VPS26A: variants seen among roughly 807,000 people sequenced by gnomAD.
VPS26A encodes the protein VPS26 retromer complex component A.
VPS26A carries 22 observed loss-of-function variants against 42.4 expected under a neutral mutation model. The observed-to-expected ratio is 0.52, with a 90% CI of 0.37 to 0.74. VPS26A has a LOEUF of 0.74. Among genes scored for constraint, VPS26A ranks in the 30% least tolerant of loss-of-function variants. VPS26A has a pLI of 0.00. For missense variants in VPS26A, 276 were observed against 379.2 expected, an observed-to-expected ratio of 0.73 and a Z score of 2.26; for synonymous variants, 110 against 123.5, an observed-to-expected ratio of 0.89 and a Z score of 0.73.
chr10:69,167,515 C>T (rs533299515), intron 7 of VPS26A, among the ~76,000 whole-genome samples: 1 of 151,856 alleles, frequency 6.6e-6, no homozygotes, highest in East Asian at 1.9e-4. Context: ...GTGGGTGGAT[C>T]ACCTGAGGTC....
At chr10:69,165,147 C>T (rs1004535809) in intron 6 of VPS26A, among the ~76,000 whole-genome samples, 13 of 151,984 alleles carry the variant, frequency 8.6e-5, no homozygotes, top group Non-Finnish European at 1.5e-4. Context: ...AGGCTGGTCT[C>T]GAACTCCTGA....
rs1177617396 is a variant in VPS26A, at chr10:69,124,256, G to C, written c.-22G>C. 3 of 1,285,082 alleles carry C rather than the reference G, an allele frequency of 2.3e-6. No individual in the cohort carries two copies. Among genetic ancestry groups the C allele is most frequent in the East Asian group, 3.0e-5 (1 of 33,770 alleles). 79.6% of individuals were successfully genotyped at this position (1,285,082 alleles called of 1,614,324 possible). A position where few individuals can be genotyped will look rare whatever the true frequency, so the allele number is the denominator to read the frequency against. On this transcript the variant is annotated 5_prime_UTR_variant, in exon 1 of 9. Coordinates refer to ENST00000263559, the MANE Select transcript of VPS26A (RefSeq NM_004896.5). ...TGAGGGAAGAGGAGTGGAGTAGGGG[G>C]GACGCGGCGGCGGCGTTGACAATGG...
chr10:69,142,449 C>A (rs188880603), intron 2 of VPS26A, among the ~76,000 whole-genome samples: 5 of 151,968 alleles, frequency 3.3e-5, no homozygotes, highest in Non-Finnish European at 7.4e-5. Flanking sequence ...CAACCTTGAC[C>A]TCCCAAAGTG....
rs1314212692 is a variant in VPS26A, at chr10:69,173,515, A to G, written c.*2246A>G. ...CATGCACCTGTATTTCCAGCTATTT[A>G]GGAAGCTGAGACAGGAAGATCCCTT... On this transcript the variant is annotated 3_prime_UTR_variant, in exon 9 of 9. Coordinates refer to ENST00000263559, the MANE Select transcript of VPS26A (RefSeq NM_004896.5). 6.6e-6 allele frequency among the ~76,000 whole-genome samples: 1 copy of G among 152,186 alleles called. No individual in the cohort carries two copies. Among genetic ancestry groups the G allele is most frequent in the Non-Finnish European group, 1.5e-5 (1 of 68,032 alleles).
chr10:69,143,415 T>G (rs2132205811), intron 2 of VPS26A, among the ~76,000 whole-genome samples: 1 of 152,362 alleles, frequency 6.6e-6, no homozygotes, highest in South Asian at 2.1e-4. Context: ...CTTGGAGGTC[T>G]GACATCTCGC....
chr10:69,150,833 C>T (rs1423312873), intron 2 of VPS26A, among the ~76,000 whole-genome samples: 1 of 152,098 alleles, frequency 6.6e-6, no homozygotes, highest in Non-Finnish European at 1.5e-5. Flanking sequence ...GATGATAAAG[C>T]AGATGGGGCA....
chr10:69,144,589 A>G (rs1321781966), intron 2 of VPS26A, among the ~76,000 whole-genome samples: 1 of 152,176 alleles, frequency 6.6e-6, no homozygotes, highest in Admixed American at 6.5e-5. Flanking sequence ...AGGTTTCTCC[A>G]TATATCTTTG....
rs371987516 is a variant in VPS26A, at chr10:69,168,444, T to C, written c.728-45T>C. 11 of 1,589,196 alleles carry C rather than the reference T, an allele frequency of 6.9e-6. No homozygotes were observed. In the African/African-American group the frequency reaches 1.4e-4, roughly 20 times the overall value. The stretch of plus-strand genomic sequence containing the variant: ...CTTAGTCCTACCTGTTATGTGACTA[T>C]ATTTAATCATCTTTAGAATTAAGTA... On this transcript the variant is annotated intron_variant, in intron 7 of 8. Transcript: ENST00000263559.
intron 1 of VPS26A, 42 bp downstream of exon 1, chr10:69,124,322 CCCG>C: frequency 8.1e-7 from 1 of 1,239,962 alleles, no homozygotes; most frequent in Non-Finnish European, 1.0e-6. Flanking sequence ...CCGCCCTCGT[CCCG>C]GAGCGCGCGG....
At chr10:69,167,423 C>CA (rs1299767647) in intron 7 of VPS26A, among the ~76,000 whole-genome samples, 44 of 110,940 alleles carry the variant, frequency 4.0e-4, no homozygotes, top group Admixed American at 3.8e-3. Context: ...GATCCTGCCT[C>CA]AAAAAAAAGA....
chr10:69,128,042 T>C (rs989235651), intron 1 of VPS26A, among the ~76,000 whole-genome samples: 1 of 151,496 alleles, frequency 6.6e-6, no homozygotes, highest in African/African-American at 2.4e-5. Flanking sequence ...CAGAAAATAA[T>C]AGAGGATAGC....
At chr10:69,151,278 A>AAAAAC (rs1554854471) in intron 2 of VPS26A, among the ~76,000 whole-genome samples, 17,526 of 55,968 alleles carry the variant, frequency 0.31, 1,618 homozygotes, top group Non-Finnish European at 0.47. Context: ...AAAAAAAAAA[A>AAAAAC]AAAAACACAC....
At position 69,171,232 on chromosome 10, in the gene VPS26A, C is replaced by CAG; in HGVS notation, c.949_950dup (p.Ser318AsnfsTer52). 1 of 1,613,770 alleles carries CAG rather than the reference C, an allele frequency of 6.2e-7. No homozygotes were observed. Among genetic ancestry groups the CAG allele is most frequent in the Non-Finnish European group, 8.5e-7 (1 of 1,179,918 alleles). ...AACTTTCACCAGCGATTTGAATCTCCAGAATCACAGGCATCTGCCGAACAG... is the reference window on the plus strand; with the variant it reads ...AACTTTCACCAGCGATTTGAATCTCCAGAGAATCACAGGCATCTGCCGAACAG... On this transcript the variant is annotated frameshift_variant, in exon 9 of 9. Transcript: ENST00000263559. LOFTEE classifies it high-confidence loss of function.
chr10:69,171,456 C>A lies in VPS26A; in HGVS notation c.*187C>A. The A allele has an allele frequency of 4.4e-6, 2 of 452,242 alleles. No individual in the cohort carries two copies. The highest frequency in any genetic ancestry group is 4.5e-4 in the Middle Eastern group (1 of 2,222). 28.0% of individuals were successfully genotyped at this position (452,242 alleles called of 1,614,324 possible). On this transcript the variant is annotated 3_prime_UTR_variant, in exon 9 of 9. Transcript: ENST00000263559. ...AATGAAATGTTCGTTCATGTATATA[C>A]ATTTTTAAAAGTGCTTTCTTTGAAA...
In VPS26A at chr10:69,164,003, G is replaced by A. The variant is rs1008264880; in HGVS notation, c.658+1491G>A. On this transcript the variant is annotated intron_variant, in intron 6 of 8. Transcript: ENST00000263559. The stretch of plus-strand genomic sequence containing the variant: ...AGGATGGTCTCGATCTCCTGACCTC[G>A]TGATCCGCCCGCCTCAGCCTCCCAA... Among the ~76,000 whole-genome samples, 5 of 151,656 alleles carry A rather than the reference G, an allele frequency of 3.3e-5. No individual in the cohort carries two copies. The East Asian group carries it at 5.8e-4, about 18-fold the overall frequency.
chr10:69,170,792 A>G (rs1841797898), intron 8 of VPS26A, among the ~76,000 whole-genome samples: 1 of 152,242 alleles, frequency 6.6e-6, no homozygotes, highest in Non-Finnish European at 1.5e-5. Flanking sequence ...TTAGATAGAA[A>G]GGGCTCTGCC....
At chr10:69,129,162 C>G (rs1840721984) in intron 1 of VPS26A, among the ~76,000 whole-genome samples, 1 of 152,078 alleles carries the variant, frequency 6.6e-6, no homozygotes, top group Non-Finnish European at 1.5e-5. Context: ...TGTTTTCCAT[C>G]TAAAATAGAC....
intron 2 of VPS26A, among the ~76,000 whole-genome samples, chr10:69,143,205 A>G (rs1473226550): frequency 2.0e-4 from 31 of 152,164 alleles, no homozygotes; most frequent in Non-Finnish European, 1.2e-4. Flanking sequence ...GGTGTAATAA[A>G]AAGATCACTG....
intron 2 of VPS26A, among the ~76,000 whole-genome samples, chr10:69,136,413 C>T (rs35882672): frequency 0.16 from 23,887 of 150,628 alleles, 2,518 homozygotes; most frequent in Non-Finnish European, 0.22. Flanking sequence ...TACAGGCACG[C>T]GCCACGACAT....
Sources: gnomAD v4.1 joint callset for allele counts (sites outside exome capture counted in the v4.1 genomes callset) on GRCh38, gnomAD v4.1.1 for gene constraint, MANE v1.5 for transcripts, NCBI Gene and HGNC (gene_info 2026-07-23, HGNC 2026-07-21) for gene names.